Variants in CDK19 observed in about 807,000 individuals in gnomAD.
CDK19 encodes cyclin-dependent kinase 19.
A neutral mutation model predicts 68.3 loss-of-function variants in CDK19; 20 were observed. That is an observed-to-expected ratio of 0.29 (90% CI 0.21 to 0.43). The LOEUF is 0.43. Among genes scored for constraint, CDK19 ranks in the 20% least tolerant of loss-of-function variants. CDK19 has a pLI of 1.00. For missense variants in CDK19, 339 were observed against 623.5 expected (o/e 0.54, Z 4.86); for synonymous variants, 221 against 222.8 (o/e 0.99, Z 0.07).
intron 1 of CDK19, among the ~76,000 whole-genome samples, chr6:110,797,797 C>T (rs1364104270): frequency 1.3e-5 from 2 of 151,956 alleles, no homozygotes; most frequent in Non-Finnish European, 1.5e-5. Context: ...CCAGGCTGGC[C>T]AACATGGTGA....
intron 2 of CDK19, among the ~76,000 whole-genome samples, chr6:110,721,963 C>CA (rs895259786): frequency 9.5e-5 from 14 of 147,382 alleles, no homozygotes; most frequent in South Asian, 2.1e-4. Context: ...GACTCCATCT[C>CA]AAAAAAAAAA....
intron 6 of CDK19, among the ~76,000 whole-genome samples, chr6:110,630,725 G>A (rs1779384025): frequency 6.6e-6 from 1 of 152,184 alleles, no homozygotes; most frequent in South Asian, 2.1e-4. Context: ...GCACAGGTAA[G>A]GGTTTTATGT....
intron 2 of CDK19, among the ~76,000 whole-genome samples, chr6:110,743,185 T>A (rs1439264267): frequency 6.6e-6 from 1 of 152,206 alleles, no homozygotes; most frequent in Non-Finnish European, 1.5e-5. Flanking sequence ...GGGCTTAATG[T>A]ATAAGACATA....
At chr6:110,786,024 T>A (rs974932032) in intron 1 of CDK19, among the ~76,000 whole-genome samples, 4 of 152,046 alleles carry the variant, frequency 2.6e-5, no homozygotes, top group African/African-American at 9.7e-5. Context: ...TACATCATAA[T>A]TTCTGCCTGA....
At chr6:110,646,154 C>A (rs1369382705) in intron 4 of CDK19, 15 of 992,356 alleles carry the variant, frequency 1.5e-5, no homozygotes, top group Non-Finnish European at 2.1e-5. Context: ...GCATGGAGAG[C>A]ACGCAGCGCG....
At chr6:110,650,835 A>G (rs1780915491) in intron 4 of CDK19, among the ~76,000 whole-genome samples, 1 of 152,176 alleles carries the variant, frequency 6.6e-6, no homozygotes, top group Non-Finnish European at 1.5e-5. Flanking sequence ...GCTGTTTCAA[A>G]TGGTTCTGTT....
intron 2 of CDK19, among the ~76,000 whole-genome samples, chr6:110,693,772 C>T (rs905523203): frequency 6.6e-6 from 1 of 152,158 alleles, no homozygotes; most frequent in African/African-American, 2.4e-5. Context: ...ACCCACCTAA[C>T]CCTGCCCCTA....
chr6:110,644,376 G>A (rs1433644141), intron 4 of CDK19, among the ~76,000 whole-genome samples: 4 of 152,000 alleles, frequency 2.6e-5, no homozygotes, highest in Non-Finnish European at 5.9e-5. Context: ...GGGTAGTAGG[G>A]GCAGGAGAGA....
At chr6:110,719,186 A>T (rs1775635341) in intron 2 of CDK19, among the ~76,000 whole-genome samples, 1 of 152,066 alleles carries the variant, frequency 6.6e-6, no homozygotes, top group South Asian at 2.1e-4. Context: ...ACCACAAGAT[A>T]GCAGAAATAA....
intron 2 of CDK19, among the ~76,000 whole-genome samples, chr6:110,694,248 C>T (rs1404390102): frequency 6.6e-6 from 1 of 152,126 alleles, no homozygotes; most frequent in African/African-American, 2.4e-5. Flanking sequence ...CTTCAAGAGA[C>T]TCACCTAACA....
intron 1 of CDK19, among the ~76,000 whole-genome samples, chr6:110,757,828 T>C (rs1028025923): frequency 6.6e-6 from 1 of 152,194 alleles, no homozygotes; most frequent in African/African-American, 2.4e-5. Flanking sequence ...AGTAAACTTT[T>C]CTGCTTTTAC....
chr6:110,693,217 G>T (rs971607907), intron 2 of CDK19, among the ~76,000 whole-genome samples: 1 of 152,138 alleles, frequency 6.6e-6, no homozygotes, highest in Non-Finnish European at 1.5e-5. Flanking sequence ...AAAACTGAAA[G>T]AATTCACAGA....
intron 2 of CDK19, among the ~76,000 whole-genome samples, chr6:110,727,921 G>A (rs185567831): frequency 2.6e-5 from 4 of 151,322 alleles, no homozygotes; most frequent in African/African-American, 4.9e-5. Context: ...CCAGAAAATC[G>A]AGGCTGCAAA....
intron 4 of CDK19, among the ~76,000 whole-genome samples, chr6:110,654,811 C>T (rs13196702): frequency 1.3e-5 from 2 of 152,048 alleles, no homozygotes; most frequent in African/African-American, 4.8e-5. Context: ...CATGGTGGCG[C>T]ATGCCTGTAA....
At chr6:110,780,083 T>C (rs747895866) in intron 1 of CDK19, among the ~76,000 whole-genome samples, 1 of 152,074 alleles carries the variant, frequency 6.6e-6, no homozygotes, top group Non-Finnish European at 1.5e-5. Flanking sequence ...CTGGGTGTGG[T>C]GGCACATGTC....
At chr6:110,728,555 T>C (rs1279086522) in intron 2 of CDK19, among the ~76,000 whole-genome samples, 2 of 150,224 alleles carry the variant, frequency 1.3e-5, no homozygotes, top group Non-Finnish European at 3.0e-5. Flanking sequence ...CATCTATTGA[T>C]ACCATAGTCA....
chr6:110,627,340 A>G (rs1006924896), intron 6 of CDK19, among the ~76,000 whole-genome samples, 195 bp from the exon 7 acceptor site: 3 of 151,790 alleles, frequency 2.0e-5, no homozygotes, highest in African/African-American at 2.4e-5. Flanking sequence ...ATGTATATAT[A>G]TGTGTGTGTA....
chr6:110,617,676 C>T (rs949427468), intron 12 of CDK19, among the ~76,000 whole-genome samples: 2,336 of 133,816 alleles, frequency 0.017, 90 homozygotes, highest in African/African-American at 0.056. Context: ...CACACACACA[C>T]ACACACACAC....
At chr6:110,658,771 T>C (rs535794849) in intron 4 of CDK19, among the ~76,000 whole-genome samples, 13 of 152,246 alleles carry the variant, frequency 8.5e-5, no homozygotes, top group South Asian at 2.1e-4. Flanking sequence ...TTTGTAAAGC[T>C]GAAGGGGCTA....
Sources: allele counts gnomAD v4.1 joint callset (sites outside exome capture counted in the v4.1 genomes callset), GRCh38; gene constraint gnomAD v4.1.1; transcripts MANE v1.5; gene names NCBI Gene and HGNC (gene_info 2026-07-23, HGNC 2026-07-21).